Variants in DUS4L observed in about 807,000 individuals in gnomAD.
DUS4L encodes dihydrouridine synthase 4 like.
A neutral mutation model predicts 33.8 loss-of-function variants in DUS4L; 31 were observed. That is an observed-to-expected ratio of 0.92 (90% CI 0.69 to 1.24). The LOEUF is 1.24. DUS4L is among the 50% of genes most tolerant of loss of function. DUS4L has a pLI of 0.00. For missense variants in DUS4L, 368 were observed against 388.6 expected, an observed-to-expected ratio of 0.95 and a Z score of 0.45; for synonymous variants, 103 against 120.3, an observed-to-expected ratio of 0.86 and a Z score of 0.94.
rs1015839174 is a variant in DUS4L, at chr7:107,565,653, A to G, written c.-22+977A>G. 3.3e-5 allele frequency among the ~76,000 whole-genome samples: 5 copies of G among 152,140 alleles called. No homozygotes were observed. The East Asian group carries it at 9.6e-4, about 29-fold the overall frequency. On this transcript the variant is annotated intron_variant, in intron 2 of 7. Transcript: ENST00000265720. ...ATCCTCCTGCCCAAGCTTCTGGAGT[A>G]GTTGGGATCACAGTCGCTTGCTACC...
At chr7:107,571,941 C>G (rs1469658936) in intron 4 of DUS4L, among the ~76,000 whole-genome samples, 1 of 152,140 alleles carries the variant, frequency 6.6e-6, no homozygotes, top group African/African-American at 2.4e-5. Context: ...TGTCTTCTCA[C>G]ACCAGACCCC....
At chr7:107,567,711 T>C (rs1243341190) in intron 3 of DUS4L, 2 of 440,898 alleles carry the variant, frequency 4.5e-6, no homozygotes. Flanking sequence ...TTAATTACAT[T>C]CACATTGTTG....
At chr7:107,574,899 T>A (rs1272864904) in intron 5 of DUS4L, 1 of 373,862 alleles carries the variant, frequency 2.7e-6, no homozygotes, top group Non-Finnish European at 4.8e-6. Flanking sequence ...AAATCTGAAG[T>A]CATTGCAATT....
chr7:107,576,803 C>G, intron 7 of DUS4L: 1 of 489,400 alleles, frequency 2.0e-6, no homozygotes, highest in Non-Finnish European at 3.5e-6. Flanking sequence ...AATTCAGTTA[C>G]TTTTCTGACA....
chr7:107,570,217 C>G (rs1411052547), intron 3 of DUS4L: 2 of 152,050 alleles, frequency 1.3e-5, no homozygotes, highest in Non-Finnish European at 2.9e-5. Context: ...TTTTAACCGG[C>G]TTTTTCTGAC....
intron 3 of DUS4L, 133 bp from the exon 4 acceptor site, chr7:107,571,012 C>A: frequency 8.5e-7 from 1 of 1,171,738 alleles, no homozygotes; most frequent in Non-Finnish European, 1.2e-6. Context: ...TAATACTTAA[C>A]AGGAATAATA....
Position 107,567,202 on chromosome 7 carries a change from T to C in DUS4L, c.116+16T>C. The C allele has an allele frequency of 1.9e-6, 3 of 1,604,306 alleles. No individual in the cohort carries two copies. The highest frequency in any genetic ancestry group is 2.6e-6 in the Non-Finnish European group (3 of 1,172,826). On this transcript the variant is annotated intron_variant, in intron 3 of 7. Coordinates refer to ENST00000265720, the MANE Select transcript of DUS4L (RefSeq NM_181581.3). Reference sequence around the variant, plus strand: ...GATATTCAAAGTAAGTGTTGCAAAATGATTAATGAACTAAGATGAAATTTC... The same window carrying C: ...GATATTCAAAGTAAGTGTTGCAAAACGATTAATGAACTAAGATGAAATTTC...
intron 6 of DUS4L, chr7:107,575,531 C>A: frequency 1.4e-5 from 5 of 361,498 alleles, no homozygotes; most frequent in Non-Finnish European, 2.4e-5. Flanking sequence ...AAAGTTAAAG[C>A]CTCCCTTTAA....
At chr7:107,576,172 A>G (rs1805724882) in intron 6 of DUS4L, among the ~76,000 whole-genome samples, 194 bp from the exon 7 acceptor site, 1 of 152,254 alleles carries the variant, frequency 6.6e-6, no homozygotes, top group African/African-American at 2.4e-5. Context: ...TTTGTTGTCA[A>G]TAGTGAAATA....
intron 2 of DUS4L, among the ~76,000 whole-genome samples, 184 bp from the exon 3 acceptor site, chr7:107,566,866 C>A (rs970687070): frequency 6.6e-6 from 1 of 151,788 alleles, no homozygotes; most frequent in African/African-American, 2.4e-5. Context: ...ATCTATTTAT[C>A]TTACAAATAG....
chr7:107,572,502 G>A (rs1333347807), intron 4 of DUS4L, among the ~76,000 whole-genome samples: 2 of 152,116 alleles, frequency 1.3e-5, no homozygotes, highest in African/African-American at 2.4e-5. Flanking sequence ...CCAAGGATAC[G>A]AAAAATATGT....
At position 107,575,328 on chromosome 7, in the gene DUS4L, A is replaced by G. The variant is rs139312743; in HGVS notation, c.479+18A>G. The G allele has an allele frequency of 3.8e-5, 61 of 1,607,156 alleles. No individual in the cohort carries two copies. The East Asian group carries it at 1.1e-3, about 29-fold the overall frequency. On this transcript the variant is annotated intron_variant, in intron 6 of 7. Transcript: ENST00000265720. ...AAAATAAGGTAAAGACAATATTTCA[A>G]TCTATTGATAGGATAATCCATTACT... is the stretch of plus-strand genomic sequence containing the variant.
intron 3 of DUS4L, among the ~76,000 whole-genome samples, chr7:107,568,895 CA>C (rs750600723): frequency 9.2e-5 from 14 of 152,188 alleles, no homozygotes; most frequent in Non-Finnish European, 1.9e-4. Context: ...ATTACTCCAG[CA>C]TCATTTTTGA....
intron 5 of DUS4L, 116 bp downstream of exon 5, chr7:107,573,937 C>T: frequency 7.7e-7 from 1 of 1,304,586 alleles, no homozygotes; most frequent in Non-Finnish European, 9.9e-7. Flanking sequence ...AGTTACAGTC[C>T]CAGGGCTCAA....
intron 7 of DUS4L, 45 bp downstream of exon 7, chr7:107,576,637 A>G (rs752555963): frequency 6.7e-7 from 1 of 1,488,134 alleles, no homozygotes; most frequent in Non-Finnish European, 9.1e-7. Flanking sequence ...GGGGGAAGAA[A>G]TGAGAGTGGG....
intron 2 of DUS4L, 41 bp from the exon 3 acceptor site, chr7:107,567,009 G>A (rs1804770346): frequency 9.5e-6 from 13 of 1,372,544 alleles, no homozygotes; most frequent in Non-Finnish European, 1.1e-5. Context: ...TTAATATAGT[G>A]AAAACATATT....
In DUS4L at chr7:107,577,332, A is replaced by C; in HGVS notation, c.726A>C (p.Gly242=). ...TTGTAGGTGTGATGGTTGCAAGAGG[A>C]CTCTTAGCAAACCCGGCCATGTTTG... ...TGTDGVMVAR[G]LLANPAMFAG... Residue 242 remains glycine (G), a synonymous_variant, in exon 8 of 8, where the codon GGA becomes GGC. Coordinates refer to ENST00000265720, the MANE Select transcript of DUS4L (RefSeq NM_181581.3). 2 of 1,613,884 alleles carry C rather than the reference A, an allele frequency of 1.2e-6. No homozygotes were observed. The highest frequency in any genetic ancestry group is 1.7e-6 in the Non-Finnish European group (2 of 1,179,980).
At chr7:107,565,812 C>A (rs1804618258) in intron 2 of DUS4L, among the ~76,000 whole-genome samples, 1 of 152,146 alleles carries the variant, frequency 6.6e-6, no homozygotes, top group African/African-American at 2.4e-5. Flanking sequence ...GGTGTGAGCC[C>A]AGTCCCCTGA....
At chr7:107,575,134 GTCTTC>G (rs1392136549) in intron 5 of DUS4L, 49 bp from the exon 6 acceptor site, 12 of 1,601,634 alleles carry the variant, frequency 7.5e-6, no homozygotes, top group Non-Finnish European at 1.0e-5. Flanking sequence ...TCAGAATTTT[GTCTTC>G]TCTTCCAGTT....
Sources: allele counts gnomAD v4.1 joint callset (sites outside exome capture counted in the v4.1 genomes callset), GRCh38; gene constraint gnomAD v4.1.1; transcripts MANE v1.5; gene names NCBI Gene and HGNC (gene_info 2026-07-23, HGNC 2026-07-21).